Variants in CNTNAP2 observed in about 807,000 individuals in gnomAD.
CNTNAP2 encodes the protein contactin-associated protein-like 2.
In CNTNAP2, 98 loss-of-function variants were observed where a neutral mutation model predicts 155.2. The observed-to-expected ratio is 0.63, with a 90% CI of 0.54 to 0.75. The LOEUF (loss-of-function observed/expected upper bound fraction) is 0.75, where lower values mean the gene tolerates loss of function less well. CNTNAP2 is among the 30% of genes least tolerant of loss of function. The pLI, the probability that CNTNAP2 is intolerant of heterozygous loss-of-function variation, is 0.00. For missense variants in CNTNAP2, 1,727 were observed against 1,688.1 expected (o/e 1.02, Z -0.40); for synonymous variants, 651 against 631.2 (o/e 1.03, Z -0.47).
chr7:148,185,130 G>A lies in CNTNAP2; in HGVS notation c.3010+12652G>A, dbSNP rs1018281204. Among the ~76,000 whole-genome samples the A allele has an allele frequency of 6.6e-5, 10 of 152,216 alleles. No individual in the cohort carries two copies. The South Asian group carries it at 8.3e-4, about 13-fold the overall frequency. On this transcript the variant is annotated intron_variant, in intron 18 of 23. Transcript: ENST00000361727. Reference sequence around the variant, plus strand: ...GACATTAGTGCTCGCCCGTCTCTCTGTACAGCACTGAAATGCGTTATCCAG... The same window carrying A: ...GACATTAGTGCTCGCCCGTCTCTCTATACAGCACTGAAATGCGTTATCCAG...
chr7:148,035,945 C>A (rs1802566331), intron 15 of CNTNAP2, among the ~76,000 whole-genome samples: 1 of 152,194 alleles, frequency 6.6e-6, no homozygotes, highest in African/African-American at 2.4e-5. Flanking sequence ...ATTTAGTGTT[C>A]ACCCTGTTGG....
At chr7:147,934,054 G>T (rs1422208406) in intron 14 of CNTNAP2, among the ~76,000 whole-genome samples, 1 of 152,164 alleles carries the variant, frequency 6.6e-6, no homozygotes. Context: ...GCCAGGGGCT[G>T]GCAAGAGGGG....
intron 9 of CNTNAP2, among the ~76,000 whole-genome samples, chr7:147,383,752 G>GTTCTGCA (rs200145362): frequency 0.016 from 2,397 of 152,134 alleles, 27 homozygotes; most frequent in Middle Eastern, 0.031. Context: ...AAACCTGCAT[G>GTTCTGCA]TTCTGCACAT....
chr7:147,634,658 TTTAA>T (rs1484327820), intron 12 of CNTNAP2, among the ~76,000 whole-genome samples: 4 of 152,180 alleles, frequency 2.6e-5, no homozygotes, highest in Non-Finnish European at 5.9e-5. Flanking sequence ...TGTAAAAATT[TTTAA>T]TTATTTTATA....
chr7:146,913,083 G>T (rs1025611086), intron 3 of CNTNAP2, among the ~76,000 whole-genome samples: 1 of 152,120 alleles, frequency 6.6e-6, no homozygotes, highest in Non-Finnish European at 1.5e-5. Flanking sequence ...TATAGATTCT[G>T]GGTTAGATAA....
chr7:146,775,278 T>A (rs1037243985), intron 2 of CNTNAP2, among the ~76,000 whole-genome samples: 5 of 152,154 alleles, frequency 3.3e-5, no homozygotes, highest in African/African-American at 1.2e-4. Flanking sequence ...ATATGTTGCA[T>A]CCTTGAAAAT....
chr7:147,826,928 ATTTT>A (rs34322489), intron 13 of CNTNAP2, among the ~76,000 whole-genome samples: 3 of 123,860 alleles, frequency 2.4e-5, no homozygotes. Context: ...AGCTGAATAC[ATTTT>A]TTTTTTTTTT....
rs1217011036 is a variant in CNTNAP2 at position 146,468,427 on chromosome 7, A to G, written c.98-305844A>G. 2.0e-5 allele frequency among the ~76,000 whole-genome samples: 3 copies of G among 151,944 alleles called. No individual in the cohort carries two copies. The East Asian group carries it at 5.8e-4, about 29-fold the overall frequency. On this transcript the variant is annotated intron_variant, in intron 1 of 23. Coordinates refer to ENST00000361727, the MANE Select transcript of CNTNAP2 (RefSeq NM_014141.6). Reference sequence around the variant, plus strand: ...ATCTGCACATGTGCCACCTGAATCTAAAATCAAAGTCAGGAAGAAAAAAAA... The same window carrying G: ...ATCTGCACATGTGCCACCTGAATCTGAAATCAAAGTCAGGAAGAAAAAAAA...
chr7:147,494,636 T>G (rs1413038878), intron 11 of CNTNAP2, among the ~76,000 whole-genome samples: 1 of 152,172 alleles, frequency 6.6e-6, no homozygotes. Context: ...TCCCAGTGTA[T>G]GTTTTATCCA....
intron 1 of CNTNAP2, among the ~76,000 whole-genome samples, chr7:146,665,783 T>TAAA (rs750837961): frequency 0.01 from 499 of 48,284 alleles, 82 homozygotes; most frequent in African/African-American, 0.053. Context: ...TCTGTCTCAT[T>TAAA]AAAAAAAAAA....
chr7:147,694,858 T>C (rs958965338), intron 13 of CNTNAP2, among the ~76,000 whole-genome samples: 4 of 152,144 alleles, frequency 2.6e-5, no homozygotes, highest in African/African-American at 9.6e-5. Context: ...TTCATTACTT[T>C]TTTTTCTTTG....
At chr7:146,997,311 T>G (rs1281885536) in intron 3 of CNTNAP2, among the ~76,000 whole-genome samples, 2 of 152,170 alleles carry the variant, frequency 1.3e-5, no homozygotes, top group East Asian at 3.9e-4. Context: ...AGGTTTCTTC[T>G]GCATCTATTG....
intron 12 of CNTNAP2, among the ~76,000 whole-genome samples, chr7:147,632,015 A>C (rs1052334886): frequency 1.3e-5 from 2 of 152,348 alleles, no homozygotes; most frequent in Middle Eastern, 3.4e-3. Context: ...TCTGCACAGC[A>C]AAAGAAATAG....
intron 1 of CNTNAP2, among the ~76,000 whole-genome samples, chr7:146,304,063 T>A (rs1270156987): frequency 6.6e-6 from 1 of 151,946 alleles, no homozygotes; most frequent in Middle Eastern, 3.2e-3. Flanking sequence ...GTTTAAAGTC[T>A]GTTTTATCAG....
intron 11 of CNTNAP2, among the ~76,000 whole-genome samples, chr7:147,503,384 A>C (rs1404602408): frequency 6.6e-6 from 1 of 152,128 alleles, no homozygotes; most frequent in African/African-American, 2.4e-5. Context: ...ATCTTGACAA[A>C]TTACATCTGC....
intron 21 of CNTNAP2, among the ~76,000 whole-genome samples, chr7:148,323,581 G>T (rs1324736715): frequency 6.6e-6 from 1 of 151,854 alleles, no homozygotes; most frequent in Non-Finnish European, 1.5e-5. Flanking sequence ...TTTGTCCATA[G>T]ATGAATCATC....
rs968766895 is a variant in CNTNAP2 at position 147,956,957 on chromosome 7, C to A, written c.2256-20905C>A. On this transcript the variant is annotated intron_variant, in intron 14 of 23. Transcript: ENST00000361727. ...GGTGATATTCATGGTCTCCATGTAA[C>A]GCATAACTGGTCAGCACCTTTTGTT... Among the ~76,000 whole-genome samples, 6 of 152,238 alleles carry A rather than the reference C, an allele frequency of 3.9e-5. No individual in the cohort carries two copies. In the South Asian group the frequency reaches 6.2e-4, roughly 16 times the overall value.
intron 8 of CNTNAP2, among the ~76,000 whole-genome samples, chr7:147,267,795 T>C (rs991513820): frequency 2.0e-5 from 3 of 152,226 alleles, no homozygotes; most frequent in Non-Finnish European, 4.4e-5. Flanking sequence ...TTTTCGATTA[T>C]AAAAATCTTG....
intron 13 of CNTNAP2, among the ~76,000 whole-genome samples, chr7:147,667,895 T>A (rs940516350): frequency 6.6e-6 from 1 of 152,042 alleles, no homozygotes; most frequent in Admixed American, 6.5e-5. Context: ...AGAATCTTGC[T>A]TGGGCTTGGG....
Sources: allele counts gnomAD v4.1 joint callset (sites outside exome capture counted in the v4.1 genomes callset), GRCh38; gene constraint gnomAD v4.1.1; transcripts MANE v1.5; gene names NCBI Gene and HGNC (gene_info 2026-07-23, HGNC 2026-07-21).